Variants in MEI4 observed in about 807,000 individuals in gnomAD.
MEI4 encodes the protein meiosis-specific protein MEI4.
Under a neutral mutation model 31.4 loss-of-function variants are expected in MEI4, and 27 were observed. The ratio of observed to expected loss-of-function variants is 0.86; its 90% CI spans 0.63 to 1.19. The LOEUF (loss-of-function observed/expected upper bound fraction) is 1.19. MEI4 is among the 50% of genes most tolerant of loss of function. The probability of loss-of-function intolerance (pLI) is 0.00; values close to 1 mark genes in which losing one functional copy is unlikely to be tolerated. For missense variants in MEI4, 329 were observed against 398.9 expected (o/e 0.82, Z 1.49); for synonymous variants, 122 against 145.4 (o/e 0.84, Z 1.16).
intron 4 of MEI4, among the ~76,000 whole-genome samples, chr6:77,892,438 C>T (rs1314714800): frequency 1.3e-5 from 2 of 152,122 alleles, no homozygotes; most frequent in Non-Finnish European, 2.9e-5. Flanking sequence ...GGCAGGCTTA[C>T]CCCTGGATCT....
At chr6:77,713,653 C>T (rs1408409713) in intron 2 of MEI4, among the ~76,000 whole-genome samples, 1 of 152,126 alleles carries the variant, frequency 6.6e-6, no homozygotes, top group African/African-American at 2.4e-5. Flanking sequence ...TCAGGTGTTA[C>T]TGTGTTCAGT....
chr6:77,744,487 G>A (rs556784736), intron 2 of MEI4, among the ~76,000 whole-genome samples: 4 of 152,106 alleles, frequency 2.6e-5, no homozygotes, highest in East Asian at 3.9e-4. Context: ...CCAAATCTAC[G>A]TCTGATTGGT....
intron 3 of MEI4, among the ~76,000 whole-genome samples, chr6:77,792,533 A>G (rs1768965071): frequency 6.6e-6 from 1 of 152,298 alleles, no homozygotes; most frequent in Admixed American, 6.5e-5. Context: ...TTTGGATCAT[A>G]TACAAAAAAA....
At chr6:77,663,851 G>A (rs1258376381) in intron 1 of MEI4, among the ~76,000 whole-genome samples, 8 of 149,468 alleles carry the variant, frequency 5.4e-5, no homozygotes, top group African/African-American at 2.1e-4. Flanking sequence ...CTGGGAAGGA[G>A]TCAGTCAGAG....
At chr6:77,881,839 A>AT (rs1303426588) in intron 4 of MEI4, among the ~76,000 whole-genome samples, 2 of 152,156 alleles carry the variant, frequency 1.3e-5, no homozygotes, top group Non-Finnish European at 2.9e-5. Context: ...TTTATTTTAT[A>AT]TTTTTTGTGA....
intron 4 of MEI4, among the ~76,000 whole-genome samples, chr6:77,918,565 T>C (rs1222025740): frequency 1.3e-5 from 2 of 149,882 alleles, no homozygotes; most frequent in Non-Finnish European, 3.0e-5. Flanking sequence ...TTTGGCTCTC[T>C]GTTTGTCTGT....
At chr6:77,835,644 T>C (rs1412256086) in intron 4 of MEI4, among the ~76,000 whole-genome samples, 1 of 152,016 alleles carries the variant, frequency 6.6e-6, no homozygotes, top group Non-Finnish European at 1.5e-5. Flanking sequence ...AATTTATCTA[T>C]TACCTGGGAA....
chr6:77,757,995 A>G (rs907836894), intron 2 of MEI4, among the ~76,000 whole-genome samples: 1 of 152,008 alleles, frequency 6.6e-6, no homozygotes, highest in Non-Finnish European at 1.5e-5. Flanking sequence ...GTCTGTACTA[A>G]AAATACAAAA....
intron 1 of MEI4, among the ~76,000 whole-genome samples, chr6:77,659,492 GA>G (rs1197391080): frequency 6.6e-6 from 1 of 152,174 alleles, no homozygotes; most frequent in African/African-American, 2.4e-5. Flanking sequence ...AATGGGGACT[GA>G]TGGGGTAACT....
intron 1 of MEI4, among the ~76,000 whole-genome samples, chr6:77,657,569 C>T (rs1768420610): frequency 6.6e-6 from 1 of 151,800 alleles, no homozygotes; most frequent in Non-Finnish European, 1.5e-5. Flanking sequence ...CTCCTTTCTT[C>T]CTTGCTTAAT....
At chr6:77,857,705 T>C (rs1026985082) in intron 4 of MEI4, among the ~76,000 whole-genome samples, 5 of 152,188 alleles carry the variant, frequency 3.3e-5, no homozygotes, top group Non-Finnish European at 5.9e-5. Context: ...ATGAATTCCT[T>C]TAACAGAGTG....
rs568456088 is a variant in MEI4 at position 77,745,271 on chromosome 6, G to A, written c.233-15859G>A. Among the ~76,000 whole-genome samples, 58 of 152,204 alleles carry A rather than the reference G, an allele frequency of 3.8e-4. 1 individual carries two copies. Among genetic ancestry groups the A allele is most frequent in the African/African-American group, 1.3e-3 (55 of 41,524 alleles). On this transcript the variant is annotated intron_variant, in intron 2 of 4. Transcript: ENST00000684080. ...ATAGGCTCAAAATAAAAGGATGGAG[G>A]AAGACCTACCAAGCAAATGGAAAAC...
intron 3 of MEI4, among the ~76,000 whole-genome samples, chr6:77,796,999 C>A (rs898299513): frequency 3.9e-5 from 6 of 152,004 alleles, no homozygotes; most frequent in Non-Finnish European, 5.9e-5. Context: ...GACATGTAGA[C>A]CAAGGGAACA....
chr6:77,798,024 A>T (rs750334368), intron 3 of MEI4, among the ~76,000 whole-genome samples: 5 of 152,286 alleles, frequency 3.3e-5, no homozygotes, highest in Middle Eastern at 3.4e-3. Context: ...AATATAAATA[A>T]TAATAGTAAA....
rs540967368 is a variant in MEI4, at chr6:77,727,797, G to A, written c.233-33333G>A. 2.9e-3 allele frequency among the ~76,000 whole-genome samples: 438 copies of A among 152,226 alleles called. 2 individuals carry two copies. The highest frequency in any genetic ancestry group is 9.6e-3 in the African/African-American group (397 of 41,552). On this transcript the variant is annotated intron_variant, in intron 2 of 4. Coordinates refer to ENST00000684080, the MANE Select transcript of MEI4 (RefSeq NM_001322247.2). ...TCCATAAACCATAAGCCTATATAAG[G>A]CCCACTTTAAAAAATGTTCTGGTCA...
intron 4 of MEI4, among the ~76,000 whole-genome samples, chr6:77,854,302 A>G (rs1323919642): frequency 2.1e-5 from 3 of 139,692 alleles, no homozygotes; most frequent in African/African-American, 8.2e-5. Flanking sequence ...AATATCTTAT[A>G]TACTTTTCTT....
rs931466128 is a variant in MEI4 at position 77,847,589 on chromosome 6, T to C, written c.900+18527T>C. 6.6e-6 allele frequency among the ~76,000 whole-genome samples: 1 copy of C among 152,194 alleles called. No homozygotes were observed. The highest frequency in any genetic ancestry group is 1.5e-5 in the Non-Finnish European group (1 of 68,026). The stretch of plus-strand genomic sequence containing the variant: ...ATATTTGTTCAGAATAATTTTCTGA[T>C]GCAATCGAAACCTAATGCCTTCTAT... On this transcript the variant is annotated intron_variant, in intron 4 of 4. Coordinates refer to ENST00000684080, the MANE Select transcript of MEI4 (RefSeq NM_001322247.2). The surrounding 1 kb of genome is among the most constrained non-coding windows in gnomAD (Gnocchi z 4.6).
chr6:77,734,960 G>A (rs896699188), intron 2 of MEI4, among the ~76,000 whole-genome samples: 2 of 151,736 alleles, frequency 1.3e-5, no homozygotes, highest in Admixed American at 1.3e-4. Flanking sequence ...TTGAATATTG[G>A]CCCCCACTCT....
chr6:77,730,156 G>C (rs1279428269), intron 2 of MEI4, among the ~76,000 whole-genome samples: 1 of 152,106 alleles, frequency 6.6e-6, no homozygotes, highest in Non-Finnish European at 1.5e-5. Context: ...ACGGTGGAGA[G>C]AGCTGTGTGT....
Sources: gnomAD v4.1 joint callset for allele counts (sites outside exome capture counted in the v4.1 genomes callset) on GRCh38, gnomAD v4.1.1 for gene constraint, Gnocchi (gnomAD v3.1) non-coding constraint, MANE v1.5 for transcripts, NCBI Gene and HGNC (gene_info 2026-07-23, HGNC 2026-07-21) for gene names.